RIMS2: variants seen among roughly 807,000 people sequenced by gnomAD.
RIMS2 encodes the protein regulating synaptic membrane exocytosis 2.
Under a neutral mutation model 174.4 loss-of-function variants are expected in RIMS2, and 59 were observed. That is an observed-to-expected ratio of 0.34 (90% confidence interval 0.27 to 0.42). RIMS2 has a LOEUF of 0.42. RIMS2 is among the 10% of genes least tolerant of loss of function. The pLI, the probability that RIMS2 is intolerant of heterozygous loss-of-function variation, is 1.00. For synonymous variants in RIMS2, 606 were observed against 572.5 expected, an observed-to-expected ratio of 1.06 and a Z score of -0.84; for missense variants, 1,620 against 1,666.3, an observed-to-expected ratio of 0.97 and a Z score of 0.48.
At chr8:104,195,141 T>C (rs1292165487) in intron 19 of RIMS2, among the ~76,000 whole-genome samples, 1 of 152,218 alleles carries the variant, frequency 6.6e-6, no homozygotes, top group East Asian at 1.9e-4. Flanking sequence ...AGAATGGTAG[T>C]ATTTTTGATA....
Position 104,199,989 on chromosome 8 carries a change from A to C in RIMS2, c.3335-44927A>C, listed in dbSNP as rs78400610. Among the ~76,000 whole-genome samples, 797 of 152,310 alleles carry C rather than the reference A, an allele frequency of 5.2e-3. 4 individuals carry two copies. Among genetic ancestry groups the C allele is most frequent in the African/African-American group, 0.018 (736 of 41,546 alleles). On this transcript the variant is annotated intron_variant, in intron 19 of 23. Transcript: ENST00000504942. ...GAAATTGCCTAGAAATGGCAGTATT[A>C]TGAGTCAGACTAGAAACCCTGTCAT...
intron 3 of RIMS2, among the ~76,000 whole-genome samples, chr8:103,832,558 C>T (rs2098832337): frequency 1.3e-5 from 2 of 152,122 alleles, no homozygotes; most frequent in African/African-American, 4.8e-5. Context: ...CTCCAAAAGG[C>T]CCCAGTTTGT....
chr8:103,548,604 G>GGAAGAA (rs1263358804), intron 1 of RIMS2, among the ~76,000 whole-genome samples: 1 of 152,128 alleles, frequency 6.6e-6, no homozygotes, highest in Admixed American at 6.5e-5. Flanking sequence ...CTTGAGAACA[G>GGAAGAA]GAAGAAGACA....
intron 22 of RIMS2, 135 bp from the exon 29 acceptor site, chr8:104,250,889 A>C (rs1446473267): frequency 1.4e-6 from 1 of 722,010 alleles, no homozygotes; most frequent in Admixed American, 2.4e-5. Flanking sequence ...TGATTTTGAC[A>C]GAATGCAGCT....
At chr8:103,695,846 T>C (rs894938005) in intron 1 of RIMS2, among the ~76,000 whole-genome samples, 3 of 152,166 alleles carry the variant, frequency 2.0e-5, no homozygotes, top group Non-Finnish European at 1.5e-5. Flanking sequence ...CACTATACAA[T>C]GTGTATTTTC....
chr8:104,172,366 A>C (rs879508274), intron 19 of RIMS2, among the ~76,000 whole-genome samples: 1 of 152,238 alleles, frequency 6.6e-6, no homozygotes, highest in Non-Finnish European at 1.5e-5. Context: ...CCAACTGTAA[A>C]GAAACAAAAA....
intron 1 of RIMS2, among the ~76,000 whole-genome samples, chr8:103,599,058 G>C (rs2094585958): frequency 6.6e-6 from 1 of 151,978 alleles, no homozygotes; most frequent in Admixed American, 6.6e-5. Context: ...GGGAGAGACA[G>C]CTATTAGGCA....
chr8:103,766,778 A>G (rs1473074248), intron 3 of RIMS2, among the ~76,000 whole-genome samples: 2 of 152,222 alleles, frequency 1.3e-5, no homozygotes, highest in African/African-American at 4.8e-5. Flanking sequence ...AAAGAAGTGA[A>G]ATAAAACAGG....
intron 1 of RIMS2, among the ~76,000 whole-genome samples, chr8:103,574,611 G>A (rs1449217098): frequency 6.6e-6 from 1 of 152,022 alleles, no homozygotes; most frequent in East Asian, 1.9e-4. Context: ...ACTGTCTTTG[G>A]TTCCCCTTTA....
At chr8:103,583,713 C>T (rs1243531597) in intron 1 of RIMS2, among the ~76,000 whole-genome samples, 1 of 119,108 alleles carries the variant, frequency 8.4e-6, no homozygotes, top group Non-Finnish European at 2.1e-5. Flanking sequence ...AATACACAGT[C>T]AGAGGGGACA....
intron 16 of RIMS2, chr8:103,977,206 C>T (rs2093521826): frequency 6.6e-6 from 1 of 152,086 alleles, no homozygotes; most frequent in Non-Finnish European, 1.5e-5. Flanking sequence ...GTAACTTAGA[C>T]AATTGCAGAA....
At position 103,560,086 on chromosome 8, in the gene RIMS2, T is replaced by C. The variant is rs533536867; in HGVS notation, c.176+59024T>C. 2.0e-5 allele frequency among the ~76,000 whole-genome samples: 3 copies of C among 152,346 alleles called. No individual in the cohort carries two copies. In the East Asian group the frequency reaches 5.8e-4, roughly 29 times the overall value. On this transcript the variant is annotated intron_variant, in intron 1 of 23. Coordinates refer to ENST00000504942, the Ensembl canonical transcript of RIMS2. ...CCAAATCTGTTGCTGAAGCAGAGCT[T>C]ATCTTCCAAGTGTTTACGGTGTAAA...
intron 14 of RIMS2, among the ~76,000 whole-genome samples, chr8:103,960,661 C>T (rs1565541320): frequency 6.6e-6 from 1 of 152,110 alleles, no homozygotes; most frequent in Non-Finnish European, 1.5e-5. Context: ...GAATATAACA[C>T]ATTGTGTTTT....
At chr8:103,927,901 G>C in intron 11 of RIMS2, 1 of 1,603,084 alleles carries the variant, frequency 6.2e-7, no homozygotes, top group Non-Finnish European at 8.5e-7. Context: ...TAAAGGCCTT[G>C]TCTGCCTGAT....
intron 1 of RIMS2, among the ~76,000 whole-genome samples, chr8:103,548,519 C>A (rs371415372): frequency 7.3e-5 from 11 of 150,884 alleles, no homozygotes; most frequent in African/African-American, 2.4e-4. Flanking sequence ...GAACATATAT[C>A]AAAATAATAA....
chr8:104,156,635 T>G (rs2134386954), intron 19 of RIMS2, among the ~76,000 whole-genome samples: 1 of 152,356 alleles, frequency 6.6e-6, no homozygotes, highest in South Asian at 2.1e-4. Flanking sequence ...TTATGTATTG[T>G]TAAAGTGTAG....
intron 1 of RIMS2, among the ~76,000 whole-genome samples, chr8:103,688,442 A>G (rs566465789): frequency 1.4e-4 from 21 of 152,102 alleles, no homozygotes; most frequent in Non-Finnish European, 2.8e-4. Flanking sequence ...TGAACTATCA[A>G]GGAATCCAAC....
At chr8:104,172,147 C>T (rs1401760275) in intron 19 of RIMS2, among the ~76,000 whole-genome samples, 1 of 152,134 alleles carries the variant, frequency 6.6e-6, no homozygotes. Flanking sequence ...GGAGATATCC[C>T]TTAGGTAGGC....
chr8:103,739,564 T>G (rs1308363951), intron 2 of RIMS2, among the ~76,000 whole-genome samples: 1 of 152,176 alleles, frequency 6.6e-6, no homozygotes, highest in African/African-American at 2.4e-5. Flanking sequence ...TTATTTAAAA[T>G]TTTAAAAATT....
Sources: allele counts gnomAD v4.1 joint callset (sites outside exome capture counted in the v4.1 genomes callset), GRCh38; gene constraint gnomAD v4.1.1; transcripts MANE v1.5; gene names NCBI Gene and HGNC (gene_info 2026-07-23, HGNC 2026-07-21).